The following NADK variants were observed in gnomAD, a reference collection of about 807,000 sequenced individuals.
NADK encodes poly(P)/ATP NAD kinase.
In NADK, 22 loss-of-function variants were observed where a neutral mutation model predicts 49.8. The observed-to-expected ratio is 0.44, with a 90% confidence interval of 0.32 to 0.63. The LOEUF (loss-of-function observed/expected upper bound fraction) is 0.63, where lower values mean the gene tolerates loss of function less well. NADK is among the 30% of genes least tolerant of loss of function. The pLI, the probability that NADK is intolerant of heterozygous loss-of-function variation, is 0.06. For synonymous variants in NADK, 268 were observed against 253.7 expected (o/e 1.06, Z -0.54); for missense variants, 438 against 609.4 (o/e 0.72, Z 2.96).
rs1327979411 is a variant in NADK at position 1,752,933 on chromosome 1, C to G, written c.1312G>C (p.Glu438Gln). Residue 438 changes from glutamate to glutamine, a missense_variant, in exon 12 of 12, where the codon GAG becomes CAG. By Grantham distance (29) the Glu-to-Gln change is conservative. Coordinates refer to ENST00000341426, the MANE Select transcript of NADK (RefSeq NM_023018.5). ...NVRKKQAHFE[E>Q]EEEEEEEG ...CCCTCCTCCTCCTCCTCCTCCTCCT[C>G]CTCGAAGTGGGCTTGCTTCTTCCGG... is the stretch of plus-strand genomic sequence containing the variant. 6.2e-7 allele frequency: 1 copy of G among 1,603,036 alleles called. No individual in the cohort carries two copies. Among genetic ancestry groups the G allele is most frequent in the East Asian group, 2.3e-5 (1 of 44,370 alleles).
upstream of NADK, among the ~76,000 whole-genome samples, chr1:1,779,504 G>A (rs1051259455): frequency 6.6e-6 from 1 of 152,148 alleles, no homozygotes; most frequent in African/African-American, 2.4e-5. Flanking sequence ...TTCTGAGATA[G>A]TGTCTCATTC....
chr1:1,758,250 G>T (rs1645594330), intron 3 of NADK: 1 of 1,246,450 alleles, frequency 8.0e-7, no homozygotes, highest in Non-Finnish European at 1.1e-6. Flanking sequence ...ACTTCCCCAG[G>T]AGTGTGACCG....
chr1:1,755,441 G>A lies in NADK; in HGVS notation c.621C>T (p.Gly207=). ...TGAATGGGGTCAGGAAGCCCAGGGA[G>A]CCCAGGTGGAAGGCCATGACCGGAG... ...SVPPVMAFHL[G]SLGFLTPFSF... is the part of the protein sequence containing the mutation. The change falls in exon 7 of 12, where the codon GGC becomes GGT. Residue 207 remains glycine (G), a synonymous_variant. Coordinates refer to ENST00000341426, the MANE Select transcript of NADK (RefSeq NM_023018.5). 7 of 1,614,058 alleles carry A rather than the reference G, an allele frequency of 4.3e-6. No homozygotes were observed. The highest frequency in any genetic ancestry group is 5.9e-6 in the Non-Finnish European group (7 of 1,180,016).
In NADK at chr1:1,752,211, A is replaced by C. The variant is rs1645347556; in HGVS notation, c.*693T>G. Reference sequence around the variant, plus strand: ...TTCAGAAAGTTTAAAAGAGTCTCTAAAAAGTATATACAGGATTTAAACTAC... The same window carrying C: ...TTCAGAAAGTTTAAAAGAGTCTCTACAAAGTATATACAGGATTTAAACTAC... On this transcript the variant is annotated 3_prime_UTR_variant, in exon 12 of 12. Coordinates refer to ENST00000341426, the MANE Select transcript of NADK (RefSeq NM_023018.5). 6.5e-6 allele frequency: 1 copy of C among 152,800 alleles called. No homozygotes were observed. Among genetic ancestry groups the C allele is most frequent in the Admixed American group, 6.5e-5 (1 of 15,312 alleles). 9.5% of individuals were successfully genotyped at this position (152,800 alleles called of 1,614,324 possible).
At chr1:1,777,435 A>C (rs547805130) in intron 1 of NADK, among the ~76,000 whole-genome samples, 2 of 152,258 alleles carry the variant, frequency 1.3e-5, no homozygotes, top group Non-Finnish European at 2.9e-5. Context: ...TTTCAGGCCA[A>C]CTAAGGCTGT....
At chr1:1,763,244 G>A (rs1645783180) in intron 2 of NADK, among the ~76,000 whole-genome samples, 1 of 152,254 alleles carries the variant, frequency 6.6e-6, no homozygotes, top group Non-Finnish European at 1.5e-5. Flanking sequence ...CAGCACTTTG[G>A]GAGGCCAAGG....
At chr1:1,762,196 C>A (rs1209128821) in intron 2 of NADK, among the ~76,000 whole-genome samples, 161 bp from the exon 3 acceptor site, 3 of 152,244 alleles carry the variant, frequency 2.0e-5, no homozygotes, top group South Asian at 2.1e-4. Context: ...GAAGGTTCTG[C>A]CCAGGTCCAT....
At chr1:1,761,046 G>C (rs1645706751) in intron 3 of NADK, among the ~76,000 whole-genome samples, 1 of 152,110 alleles carries the variant, frequency 6.6e-6, no homozygotes, top group Non-Finnish European at 1.5e-5. Context: ...AGGCTGGAGT[G>C]CAATGGTGCG....
At chr1:1,758,839 C>T (rs1645619150) in intron 3 of NADK, among the ~76,000 whole-genome samples, 1 of 152,232 alleles carries the variant, frequency 6.6e-6, no homozygotes, top group South Asian at 2.1e-4. Flanking sequence ...CAGACCTGGC[C>T]AAGTACCCAG....
At chr1:1,757,349 C>T in intron 3 of NADK, 39 bp from the exon 4 acceptor site, 1 of 1,530,342 alleles carries the variant, frequency 6.5e-7, no homozygotes, top group Non-Finnish European at 9.0e-7. Flanking sequence ...CAGCTGCGAT[C>T]TCCCTCTTGC....
chr1:1,765,191 C>T (rs762230850), intron 2 of NADK, 37 bp downstream of exon 2: 26 of 1,517,432 alleles, frequency 1.7e-5, no homozygotes, highest in South Asian at 3.7e-5. Context: ...TGAAATCAGA[C>T]GAGAAAAAAA....
At chr1:1,771,154 TA>T (rs1455444098) in intron 1 of NADK, among the ~76,000 whole-genome samples, 4 of 149,512 alleles carry the variant, frequency 2.7e-5, no homozygotes, top group South Asian at 2.1e-4. Flanking sequence ...ATAATAGCAT[TA>T]AAAATATAAA....
chr1:1,767,918 A>T (rs1173946137), intron 1 of NADK, among the ~76,000 whole-genome samples: 2 of 152,170 alleles, frequency 1.3e-5, no homozygotes, highest in Non-Finnish European at 2.9e-5. Flanking sequence ...CACATCTGTA[A>T]TCCTAACACT....
At chr1:1,759,905 G>T in intron 3 of NADK, 1 of 1,550,616 alleles carries the variant, frequency 6.4e-7, no homozygotes, top group Non-Finnish European at 8.7e-7. Flanking sequence ...GAGTGGCTCT[G>T]CCAGGACCAG....
At chr1:1,773,465 T>A (rs1646110901) in intron 1 of NADK, among the ~76,000 whole-genome samples, 1 of 147,684 alleles carries the variant, frequency 6.8e-6, no homozygotes. Context: ...AAACAGTTAA[T>A]AAAGGTCAGA....
Position 1,756,244 on chromosome 1 carries a change from T to C in NADK, c.585+14A>G. On this transcript the variant is annotated intron_variant, in intron 6 of 11. Coordinates refer to ENST00000341426, the MANE Select transcript of NADK (RefSeq NM_023018.5). ...CTAGAACCTGGTGTGGGTCTGGAAA[T>C]GTCAGCGCTTCACCTGGAAAAGCGA... The C allele has an allele frequency of 1.9e-6, 3 of 1,612,732 alleles. No individual in the cohort carries two copies. The highest frequency in any genetic ancestry group is 1.1e-5 in the South Asian group (1 of 91,052).
At chr1:1,759,859 C>T (rs1226727186) in intron 3 of NADK, 1 of 1,550,790 alleles carries the variant, frequency 6.4e-7, no homozygotes, top group Admixed American at 2.0e-5. Context: ...TGACTGACGG[C>T]TGGTGAAGGC....
chr1:1,772,184 G>C (rs1162677184), intron 1 of NADK, among the ~76,000 whole-genome samples: 1 of 146,610 alleles, frequency 6.8e-6, no homozygotes, highest in Non-Finnish European at 1.5e-5. Context: ...TCCTGTTTTA[G>C]GCAGGGTCTT....
intron 3 of NADK, chr1:1,758,625 G>C: frequency 6.9e-7 from 1 of 1,443,504 alleles, no homozygotes; most frequent in Admixed American, 2.7e-5. Context: ...ACTTGGTAAA[G>C]TTGTTGTAAA....
Sources: allele counts gnomAD v4.1 joint callset (sites outside exome capture counted in the v4.1 genomes callset), GRCh38; gene constraint gnomAD v4.1.1; transcripts MANE v1.5; gene names NCBI Gene and HGNC (gene_info 2026-07-23, HGNC 2026-07-21).